DPPA4: variants seen among roughly 807,000 people sequenced by gnomAD.
DPPA4 encodes the protein developmental pluripotency associated 4.
Under a neutral mutation model 33.7 loss-of-function variants are expected in DPPA4, and 22 were observed. The ratio of observed to expected loss-of-function variants is 0.65; its 90% CI spans 0.47 to 0.93. The LOEUF (loss-of-function observed/expected upper bound fraction) is 0.93. Among genes scored for constraint, DPPA4 ranks in the 40% least tolerant of loss-of-function variants. The pLI is 0.00. For synonymous variants in DPPA4, 156 were observed against 132.3 expected (o/e 1.18, Z -1.23); for missense variants, 340 against 358.6 (o/e 0.95, Z 0.42).
chr3:109,333,349 CAAAAAAAAAAAAAAA>C (rs56044946), intron 2 of DPPA4: 6 of 97,552 alleles, frequency 6.2e-5, no homozygotes, highest in East Asian at 2.5e-4. Context: ...CTTGGTGTCT[CAAAAAAAAAAAAAAA>C]AAAAAAAAAA....
chr3:109,330,299 TCAAAAAAAAAAAAAAAAAAA>T (rs1169300624), intron 5 of DPPA4: 6 of 341,526 alleles, frequency 1.8e-5, no homozygotes, highest in Non-Finnish European at 2.5e-5. Flanking sequence ...AGAAACTGTC[TCAAAAAAAAAAAAAAAAAAA>T]AAAAAAAAAA....
At chr3:109,330,189 T>G in intron 5 of DPPA4, 1 of 310,960 alleles carries the variant, frequency 3.2e-6, no homozygotes, top group East Asian at 8.0e-5. Context: ...TAATCCCAGC[T>G]ACTCAGGAAG....
chr3:109,332,789 T>C (rs916130751), intron 2 of DPPA4, among the ~76,000 whole-genome samples: 1 of 152,172 alleles, frequency 6.6e-6, no homozygotes, highest in African/African-American at 2.4e-5. Context: ...ACATACCTTG[T>C]CTTCATTCAG....
upstream of DPPA4, chr3:109,337,582 C>CCTGCCTTT: frequency 6.8e-7 from 1 of 1,469,652 alleles, no homozygotes; most frequent in Non-Finnish European, 9.5e-7. Flanking sequence ...TCCTGCCGCC[C>CCTGCCTTT]GAAGACCCTT....
At chr3:109,336,287 T>G (rs1708210523) in intron 1 of DPPA4, 1 of 152,200 alleles carries the variant, frequency 6.6e-6, no homozygotes, top group Non-Finnish European at 1.5e-5. Flanking sequence ...GATTTGAAAT[T>G]TATATTTGCA....
In DPPA4 at chr3:109,332,024, G is replaced by A. The variant is rs768118148; in HGVS notation, c.186C>T (p.Cys62=). The A allele has an allele frequency of 6.8e-6, 11 of 1,607,380 alleles. No homozygotes were observed. Among genetic ancestry groups the A allele is most frequent in the Non-Finnish European group, 8.5e-6 (10 of 1,176,572 alleles). ...KMSIKGSKVL[C]PKKKAEHTDN... ...CAGTGTGCTCTGCCTTTTTCTTAGG[G>A]CAGAGCACTGAAGCAGAATGGAATC... The change falls in exon 3 of 7, where the codon TGC becomes TGT. Residue 62 remains cysteine, a synonymous_variant. Coordinates refer to ENST00000335658, the MANE Select transcript of DPPA4 (RefSeq NM_018189.4).
In DPPA4 at chr3:109,326,846, GA is replaced by G. The variant is rs1328276595; in HGVS notation, c.*1141del. 4 of 152,072 alleles carry G rather than the reference GA, an allele frequency of 2.6e-5. No individual in the cohort carries two copies. Among genetic ancestry groups the G allele is most frequent in the Non-Finnish European group, 5.9e-5 (4 of 67,984 alleles). 9.4% of individuals were successfully genotyped at this position (152,072 alleles called of 1,614,324 possible). A position where few individuals can be genotyped will look rare whatever the true frequency, so the allele number is the denominator to read the frequency against. ...TAAAGAACAAACGAGTCATACAAAA[GA>G]AAAATCACACTTTTTGGTTTACTCC... On this transcript the variant is annotated 3_prime_UTR_variant, in exon 7 of 7. Coordinates refer to ENST00000335658, the MANE Select transcript of DPPA4 (RefSeq NM_018189.4).
Position 109,337,543 on chromosome 3 carries a change from G to C in DPPA4, c.-26C>G, listed in dbSNP as rs752073857. On this transcript the variant is annotated 5_prime_UTR_variant, in exon 1 of 7. It adds an upstream start codon to the 5' untranslated region. Coordinates refer to ENST00000335658, the MANE Select transcript of DPPA4 (RefSeq NM_018189.4). ...GCTTCCAAAATGGCCCCTGCCCCAA[G>C]ATTGCTATTTGCAAAGTCTCCTCCC... is the stretch of plus-strand genomic sequence containing the variant. The C allele has an allele frequency of 9.9e-6, 16 of 1,613,162 alleles. No individual in the cohort carries two copies. Among genetic ancestry groups the C allele is most frequent in the Non-Finnish European group, 1.4e-5 (16 of 1,179,298 alleles).
At chr3:109,338,570 C>T (rs1188708360), upstream of DPPA4, among the ~76,000 whole-genome samples, 1 of 151,934 alleles carries the variant, frequency 6.6e-6, no homozygotes, top group Non-Finnish European at 1.5e-5. Context: ...CATTGCTTGT[C>T]CTAAAATGAT....
chr3:109,337,347 CAAG>C (rs1381690312), intron 1 of DPPA4, 114 bp downstream of exon 1: 1 of 860,060 alleles, frequency 1.2e-6, no homozygotes, highest in Non-Finnish European at 1.9e-6. Flanking sequence ...AAAAAAAAGT[CAAG>C]AGGAGAAAAT....
intron 4 of DPPA4, 113 bp from the exon 5 acceptor site, chr3:109,330,925 G>A: frequency 1.0e-6 from 1 of 972,950 alleles, no homozygotes; most frequent in Non-Finnish European, 1.5e-6. Flanking sequence ...CTAGGTTCAA[G>A]AGATCTATTG....
chr3:109,337,503 G>A lies in DPPA4; in HGVS notation c.15C>T (p.Ser5=), dbSNP rs1184422381. 6.2e-7 allele frequency: 1 copy of A among 1,613,994 alleles called. No homozygotes were observed. The highest frequency in any genetic ancestry group is 8.5e-7 in the Non-Finnish European group (1 of 1,180,010). ...CCTTCTCCATACTTGTAGAAGAAGC[G>A]GAGCCTCGCAACATGCTTCCAAAAT... MLRG[S]ASSTSMEKAK... Residue 5 remains serine, a synonymous_variant, in exon 1 of 7, where the codon TCC becomes TCT. Transcript: ENST00000335658.
At chr3:109,330,333 G>GAAAAAAAA (rs5851663) in intron 5 of DPPA4, 191 bp downstream of exon 5, 1 of 394,864 alleles carries the variant, frequency 2.5e-6, no homozygotes, top group African/African-American at 2.6e-5. Context: ...AAAAAAAAAG[G>GAAAAAAAA]AAAAAAAAAA....
chr3:109,331,012 T>C (rs1380952359), intron 4 of DPPA4, among the ~76,000 whole-genome samples, 200 bp from the exon 5 acceptor site: 1 of 152,040 alleles, frequency 6.6e-6, no homozygotes, highest in East Asian at 1.9e-4. Context: ...ACCCAGTGGC[T>C]CAGGTCTGTA....
At chr3:109,337,152 G>C (rs1416326227) in intron 1 of DPPA4, among the ~76,000 whole-genome samples, 1 of 151,282 alleles carries the variant, frequency 6.6e-6, no homozygotes, top group Non-Finnish European at 1.5e-5. Context: ...CGCCCGCCTC[G>C]GCTGCCCAAA....
At chr3:109,336,964 G>T (rs1708227446) in intron 1 of DPPA4, among the ~76,000 whole-genome samples, 1 of 152,158 alleles carries the variant, frequency 6.6e-6, no homozygotes, top group South Asian at 2.1e-4. Flanking sequence ...GCAATGGGGC[G>T]ATCTCGGCTC....
At position 109,326,715 on chromosome 3, in the gene DPPA4, A is replaced by T. The variant is rs1309605746; in HGVS notation, c.*1273T>A. 1 of 152,254 alleles carries T rather than the reference A, an allele frequency of 6.6e-6. No homozygotes were observed. Among genetic ancestry groups the T allele is most frequent in the Admixed American group, 6.5e-5 (1 of 15,276 alleles). 9.4% of individuals were successfully genotyped at this position (152,254 alleles called of 1,614,324 possible). ...GTTTAGGAAGTACACAAAAAAATTA[A>T]AAATTAATTACACAATAGGATACAT... On this transcript the variant is annotated 3_prime_UTR_variant, in exon 7 of 7. Coordinates refer to ENST00000335658, the MANE Select transcript of DPPA4 (RefSeq NM_018189.4).
intron 1 of DPPA4, 144 bp downstream of exon 1, chr3:109,337,320 T>C (rs745954682): frequency 1.3e-5 from 9 of 679,416 alleles, no homozygotes; most frequent in Non-Finnish European, 2.3e-5. Flanking sequence ...TCTTGGGCCT[T>C]ACTCTTAAAA....
chr3:109,330,663 T>C lies in DPPA4; in HGVS notation c.540A>G (p.Glu180=). The C allele has an allele frequency of 6.2e-7, 1 of 1,614,140 alleles. No individual in the cohort carries two copies. The part of the protein sequence containing the change: ...LPPVGEPPAL[E]NSTALLEGVN... ...CTCCCTCAAGGAGAGCAGTGGAATT[T>C]TCCAGGGCAGGCGGCTCCCCCACAG... The change falls in exon 5 of 7, where the codon GAA becomes GAG. Residue 180 remains glutamate (E), a synonymous_variant. Transcript: ENST00000335658.
Sources: allele counts gnomAD v4.1 joint callset (sites outside exome capture counted in the v4.1 genomes callset), GRCh38; gene constraint gnomAD v4.1.1; transcripts MANE v1.5; gene names NCBI Gene and HGNC (gene_info 2026-07-23, HGNC 2026-07-21).